The following GRID2 variants were observed in gnomAD, a reference collection of about 807,000 sequenced individuals.
GRID2 encodes glutamate receptor ionotropic, delta-2.
Under a neutral mutation model 114.8 loss-of-function variants are expected in GRID2, and 33 were observed. The observed-to-expected ratio is 0.29, with a 90% confidence interval of 0.22 to 0.38. The LOEUF is 0.38. Among genes scored for constraint, GRID2 ranks in the 10% least tolerant of loss-of-function variants. GRID2 has a pLI of 1.00. For missense variants in GRID2, 1,184 were observed against 1,257.7 expected (o/e 0.94, Z 0.89); for synonymous variants, 505 against 449.9 (o/e 1.12, Z -1.55).
At chr4:93,530,319 G>A (rs1439004243) in intron 13 of GRID2, among the ~76,000 whole-genome samples, 1 of 152,026 alleles carries the variant, frequency 6.6e-6, no homozygotes, top group Non-Finnish European at 1.5e-5. Context: ...GTCTCTATAG[G>A]TTGGTATTAT....
chr4:92,833,427 T>A (rs1742250547), intron 2 of GRID2, among the ~76,000 whole-genome samples: 1 of 152,188 alleles, frequency 6.6e-6, no homozygotes, highest in Admixed American at 6.5e-5. Context: ...ACAGTGGCAA[T>A]AATGTTAATA....
chr4:92,933,463 C>T (rs1203433313), intron 2 of GRID2, among the ~76,000 whole-genome samples: 2 of 151,584 alleles, frequency 1.3e-5, no homozygotes, highest in Non-Finnish European at 1.5e-5. Flanking sequence ...CTGAAGGCTA[C>T]ACTGTGTCTA....
At chr4:93,051,985 A>G (rs1220751128) in intron 2 of GRID2, among the ~76,000 whole-genome samples, 1 of 151,900 alleles carries the variant, frequency 6.6e-6, no homozygotes, top group Non-Finnish European at 1.5e-5. Flanking sequence ...CAATCATTGC[A>G]AATTCATTTT....
chr4:93,207,304 C>T lies in GRID2; in HGVS notation c.736-100C>T, dbSNP rs879063829. On this transcript the variant is annotated intron_variant, in intron 4 of 15. Transcript: ENST00000282020. Reference sequence around the variant, plus strand: ...AATTGAGTAACAAAGACCTTTCTAACATACGATTCATTTTTTGTCATTTGC... The same window carrying T: ...AATTGAGTAACAAAGACCTTTCTAATATACGATTCATTTTTTGTCATTTGC... 2.7e-5 allele frequency: 22 copies of T among 826,944 alleles called. 1 individual carries two copies. In the South Asian group the frequency reaches 2.7e-4, roughly 10 times the overall value. 51.2% of individuals were successfully genotyped at this position (826,944 alleles called of 1,614,324 possible).
At chr4:92,900,477 C>T (rs949719685) in intron 2 of GRID2, among the ~76,000 whole-genome samples, 2 of 152,146 alleles carry the variant, frequency 1.3e-5, no homozygotes, top group African/African-American at 4.8e-5. Flanking sequence ...ATTTAGCTTC[C>T]TCTTATAAGT....
intron 14 of GRID2, among the ~76,000 whole-genome samples, chr4:93,683,701 G>A (rs1361926488): frequency 6.6e-6 from 1 of 152,004 alleles, no homozygotes; most frequent in Non-Finnish European, 1.5e-5. Context: ...CATTAAATAT[G>A]CCAAGATACA....
intron 1 of GRID2, among the ~76,000 whole-genome samples, chr4:93,786,057 G>A (rs1039164401): frequency 6.6e-6 from 1 of 152,212 alleles, no homozygotes; most frequent in Non-Finnish European, 1.5e-5. Context: ...CTAGCTAAAA[G>A]AAATCTGGAA....
At chr4:93,509,205 G>A (rs917326839) in intron 12 of GRID2, among the ~76,000 whole-genome samples, 4 of 152,078 alleles carry the variant, frequency 2.6e-5, no homozygotes, top group East Asian at 3.9e-4. Flanking sequence ...ACAGAGATAG[G>A]GAAAGGCTTA....
chr4:93,241,578 TA>T (rs1167762512), intron 8 of GRID2, among the ~76,000 whole-genome samples: 2 of 151,856 alleles, frequency 1.3e-5, no homozygotes, highest in East Asian at 1.9e-4. Context: ...CCACCTTGCA[TA>T]AGGGTTTTAT....
intron 2 of GRID2, among the ~76,000 whole-genome samples, chr4:92,899,922 A>G (rs1747449737): frequency 6.6e-6 from 1 of 152,180 alleles, no homozygotes; most frequent in Admixed American, 6.5e-5. Flanking sequence ...GCTTGTAATT[A>G]GTCCTAGCCC....
At chr4:93,757,919 T>C (rs1487590311) in intron 14 of GRID2, among the ~76,000 whole-genome samples, 1 of 152,038 alleles carries the variant, frequency 6.6e-6, no homozygotes, top group South Asian at 2.1e-4. Context: ...ATCGCACCAT[T>C]GTACTCTAGC....
In GRID2 at chr4:93,394,690, GC is replaced by G. The variant is rs1449509661; in HGVS notation, c.1246-916del. 9.2e-5 allele frequency among the ~76,000 whole-genome samples: 14 copies of G among 151,966 alleles called. 1 individual carries two copies. The highest frequency in any genetic ancestry group is 3.4e-4 in the African/African-American group (14 of 41,420). ...CTGTTACATTTTTAAGTGTGCACAT[GC>G]GGAATATGTTCCCAAATGTGAAGGC... On this transcript the variant is annotated intron_variant, in intron 8 of 15. Coordinates refer to ENST00000282020, the MANE Select transcript of GRID2 (RefSeq NM_001510.4).
intron 2 of GRID2, among the ~76,000 whole-genome samples, chr4:92,921,943 A>C (rs1749380800): frequency 6.6e-6 from 1 of 152,154 alleles, no homozygotes; most frequent in African/African-American, 2.4e-5. Context: ...CTGCCCCCAG[A>C]GGTGGAGTCT....
At chr4:93,401,249 A>G (rs1004431375) in intron 9 of GRID2, among the ~76,000 whole-genome samples, 34 of 152,150 alleles carry the variant, frequency 2.2e-4, no homozygotes, top group African/African-American at 8.2e-4. Context: ...AAAATAATTC[A>G]ATATATAAAT....
At chr4:92,502,909 G>A (rs1723761276) in intron 1 of GRID2, among the ~76,000 whole-genome samples, 1 of 151,602 alleles carries the variant, frequency 6.6e-6, no homozygotes, top group South Asian at 2.1e-4. Flanking sequence ...GTAGAGACGG[G>A]GTTTCACCAT....
chr4:92,535,223 G>A (rs1335572975), intron 1 of GRID2, among the ~76,000 whole-genome samples: 1 of 152,096 alleles, frequency 6.6e-6, no homozygotes, highest in Non-Finnish European at 1.5e-5. Flanking sequence ...CTACAATGTA[G>A]TTAAAGAGGT....
intron 2 of GRID2, among the ~76,000 whole-genome samples, chr4:93,040,523 G>A (rs976837339): frequency 2.0e-5 from 3 of 151,948 alleles, no homozygotes; most frequent in Admixed American, 6.6e-5. Context: ...TAATGTAAAG[G>A]GTATGTGGTT....
At chr4:92,563,474 T>G (rs1007044093) in intron 1 of GRID2, among the ~76,000 whole-genome samples, 1 of 152,144 alleles carries the variant, frequency 6.6e-6, no homozygotes, top group African/African-American at 2.4e-5. Flanking sequence ...TTACTATTTT[T>G]TTCTCTAAGA....
At chr4:93,763,639 C>A (rs1733395518) in intron 14 of GRID2, among the ~76,000 whole-genome samples, 1 of 152,142 alleles carries the variant, frequency 6.6e-6, no homozygotes, top group Admixed American at 6.6e-5. Context: ...AAGCCCAATT[C>A]AACTATTTAT....
Sources: gnomAD v4.1 joint callset for allele counts (sites outside exome capture counted in the v4.1 genomes callset) on GRCh38, gnomAD v4.1.1 for gene constraint, MANE v1.5 for transcripts, NCBI Gene and HGNC (gene_info 2026-07-23, HGNC 2026-07-21) for gene names.